The following CRYL1 variants were observed in gnomAD, a reference collection of about 807,000 sequenced individuals.
CRYL1 encodes the protein crystallin lambda 1.
A neutral mutation model predicts 36.6 loss-of-function variants in CRYL1; 29 were observed. The observed-to-expected ratio is 0.79, with a 90% confidence interval of 0.59 to 1.08. The LOEUF (loss-of-function observed/expected upper bound fraction) is 1.08, where lower values mean the gene tolerates loss of function less well. Ranked by LOEUF, CRYL1 falls within the 50% of genes least tolerant of loss-of-function variation. The pLI is 0.00. For synonymous variants in CRYL1, 152 were observed against 151.5 expected (o/e 1.00, Z -0.02); for missense variants, 411 against 407.9 (o/e 1.01, Z -0.06).
At chr13:20,465,610 C>G (rs915962796) in intron 3 of CRYL1, among the ~76,000 whole-genome samples, 1 of 152,154 alleles carries the variant, frequency 6.6e-6, no homozygotes, top group African/African-American at 2.4e-5. Flanking sequence ...GAGGCAGGCA[C>G]CGGTCACCCT....
chr13:20,515,504 A>G (rs2033984342), intron 1 of CRYL1, among the ~76,000 whole-genome samples: 1 of 152,138 alleles, frequency 6.6e-6, no homozygotes. Flanking sequence ...GGTGAGGGGG[A>G]AACAAATGTC....
intron 3 of CRYL1, among the ~76,000 whole-genome samples, chr13:20,458,985 C>T (rs1423563707): frequency 1.3e-5 from 2 of 152,178 alleles, no homozygotes; most frequent in African/African-American, 4.8e-5. Flanking sequence ...CCTGTAATCC[C>T]AGCACTTTGG....
intron 3 of CRYL1, among the ~76,000 whole-genome samples, chr13:20,466,458 G>T (rs994238803): frequency 6.6e-6 from 1 of 152,184 alleles, no homozygotes; most frequent in Non-Finnish European, 1.5e-5. Context: ...ACCATTAAAA[G>T]ATTTTGTTTA....
rs746364655 is a variant in CRYL1 at position 20,512,522 on chromosome 13, G to A, written c.70C>T (p.Leu24=). The change falls in exon 2 of 8, where the codon CTG becomes TTG. Residue 24 remains leucine, a synonymous_variant. Transcript: ENST00000298248. ...SGVIGRSWAM[L]FASGGFQVKL... is the part of the protein sequence containing the mutation. ...ACCTGGAAGCCTCCACTGGCAAACA[G>A]CATGGCCCAGCTTCGCCCAATGACT... is the stretch of plus-strand genomic sequence containing the variant. The A allele has an allele frequency of 3.1e-6, 5 of 1,613,824 alleles. No individual in the cohort carries two copies. The highest frequency in any genetic ancestry group is 4.2e-6 in the Non-Finnish European group (5 of 1,179,882).
chr13:20,474,058 C>A (rs2033115167), intron 3 of CRYL1, among the ~76,000 whole-genome samples: 2 of 152,104 alleles, frequency 1.3e-5, no homozygotes, highest in Admixed American at 6.6e-5. Context: ...AGGGGACAGA[C>A]ACTGAATAAA....
At chr13:20,504,282 TTTTTC>T (rs1220796164) in intron 2 of CRYL1, among the ~76,000 whole-genome samples, 41 of 151,726 alleles carry the variant, frequency 2.7e-4, no homozygotes, top group Middle Eastern at 3.4e-3. Context: ...TTGCTTTTCT[TTTTTC>T]TTTTCTTTTC....
chr13:20,488,501 T>C (rs9285125), intron 3 of CRYL1, among the ~76,000 whole-genome samples: 45,813 of 152,072 alleles, frequency 0.3, 7,888 homozygotes, highest in African/African-American at 0.48. Flanking sequence ...AGACCTAAAA[T>C]CTCCATCTTC....
intron 3 of CRYL1, among the ~76,000 whole-genome samples, chr13:20,473,765 G>A (rs1035469564): frequency 6.6e-6 from 1 of 152,280 alleles, no homozygotes; most frequent in Admixed American, 6.5e-5. Context: ...AGCAAAAACA[G>A]TTCACTTAAG....
chr13:20,480,127 C>T lies in CRYL1; in HGVS notation c.276+9243G>A, dbSNP rs149467769. The stretch of plus-strand genomic sequence containing the variant: ...CACGGCCAGGCATGGTGGCTCATGT[C>T]TATAATCCCAGCACTTTGGGAGGCC... On this transcript the variant is annotated intron_variant, in intron 3 of 7. Transcript: ENST00000298248. 4.6e-3 allele frequency among the ~76,000 whole-genome samples: 696 copies of T among 152,282 alleles called. 10 individuals carry two copies. The highest frequency in any genetic ancestry group is 0.014 in the African/African-American group (579 of 41,548).
chr13:20,404,832 C>T (rs2137357721), intron 6 of CRYL1, 91 bp from the exon 7 acceptor site: 1 of 893,010 alleles, frequency 1.1e-6, no homozygotes, highest in East Asian at 2.4e-5. Context: ...AGAGTTTCAC[C>T]CTGGGGTCAG....
At chr13:20,454,518 C>T (rs1005837347) in intron 3 of CRYL1, among the ~76,000 whole-genome samples, 3 of 150,954 alleles carry the variant, frequency 2.0e-5, no homozygotes, top group East Asian at 2.0e-4. Flanking sequence ...CTGAAGTTCA[C>T]GCCATTCTTC....
intron 2 of CRYL1, among the ~76,000 whole-genome samples, chr13:20,496,565 C>T (rs937317189): frequency 6.6e-6 from 1 of 152,176 alleles, no homozygotes; most frequent in African/African-American, 2.4e-5. Context: ...TTTATCTCTG[C>T]TCCCTCCAGA....
chr13:20,407,584 TC>T (rs1047427635), intron 6 of CRYL1, among the ~76,000 whole-genome samples: 66 of 152,300 alleles, frequency 4.3e-4, no homozygotes, highest in African/African-American at 1.6e-3. Flanking sequence ...GGTCTGCCCT[TC>T]CCCACTATTT....
At chr13:20,452,295 A>T (rs1234394024) in intron 3 of CRYL1, among the ~76,000 whole-genome samples, 1 of 152,094 alleles carries the variant, frequency 6.6e-6, no homozygotes, top group African/African-American at 2.4e-5. Context: ...TAGAAAAAAA[A>T]ATCTACTTTA....
chr13:20,473,607 C>T (rs1157665794), intron 3 of CRYL1, among the ~76,000 whole-genome samples: 1 of 152,192 alleles, frequency 6.6e-6, no homozygotes, highest in African/African-American at 2.4e-5. Context: ...CGGAGCCCAC[C>T]GTCCTGGCCA....
At chr13:20,442,704 C>T (rs1436083922) in intron 3 of CRYL1, among the ~76,000 whole-genome samples, 1 of 152,190 alleles carries the variant, frequency 6.6e-6, no homozygotes, top group Non-Finnish European at 1.5e-5. Context: ...AATTCTACCA[C>T]TACTAAAGGT....
intron 5 of CRYL1, chr13:20,431,469 C>T (rs1384026387): frequency 4.0e-6 from 4 of 990,564 alleles, no homozygotes; most frequent in East Asian, 1.1e-4. Flanking sequence ...TTCTCCGCCT[C>T]GTCCTGGGGT....
chr13:20,470,915 A>C (rs1220753645), intron 3 of CRYL1, among the ~76,000 whole-genome samples: 7 of 150,362 alleles, frequency 4.7e-5, no homozygotes, highest in South Asian at 2.1e-4. Flanking sequence ...CATCTCAAAA[A>C]AAAAAAAAAA....
At chr13:20,468,500 C>T (rs2032987981) in intron 3 of CRYL1, among the ~76,000 whole-genome samples, 1 of 152,204 alleles carries the variant, frequency 6.6e-6, no homozygotes, top group Non-Finnish European at 1.5e-5. Context: ...TACCAGTGAC[C>T]ACAGTGGGAT....
Sources: gnomAD v4.1 joint callset for allele counts (sites outside exome capture counted in the v4.1 genomes callset) on GRCh38, gnomAD v4.1.1 for gene constraint, MANE v1.5 for transcripts, NCBI Gene and HGNC (gene_info 2026-07-23, HGNC 2026-07-21) for gene names.